Variants in PDZD2 observed in about 807,000 individuals in gnomAD.
PDZD2 encodes PDZ domain containing 2.
In PDZD2, 90 loss-of-function variants were observed where a neutral mutation model predicts 220.7. The ratio of observed to expected loss-of-function variants is 0.41; its 90% CI spans 0.34 to 0.49. The LOEUF (loss-of-function observed/expected upper bound fraction) is 0.49, where lower values mean the gene tolerates loss of function less well. Among genes scored for constraint, PDZD2 ranks in the 20% least tolerant of loss-of-function variants. The pLI is 0.28. For synonymous variants in PDZD2, 1,375 were observed against 1,450.5 expected, an observed-to-expected ratio of 0.95 and a Z score of 1.18; for missense variants, 3,174 against 3,608.5, an observed-to-expected ratio of 0.88 and a Z score of 3.08.
In PDZD2 at chr5:32,048,541, G is replaced by C. The variant is rs768969565; in HGVS notation, c.1522G>C (p.Gly508Arg). The C allele has an allele frequency of 1.2e-6, 2 of 1,613,088 alleles. No individual in the cohort carries two copies. The highest frequency in any genetic ancestry group is 1.7e-6 in the Non-Finnish European group (2 of 1,179,310). ...GTTTTCTCCTCTGTTTTCTCAAGGG[G>C]GTGTACACCGCCTTGAGTCAGTTGA... ...KIKLKSRLSG[G>R]VHRLESVEEY... Residue 508 changes from glycine to arginine, a missense_variant and splice_region_variant, in exon 8 of 25, where the codon GGT (glycine) becomes CGT (arginine). Physicochemically the swap from Gly to Arg is moderately radical, Grantham distance 125 (BLOSUM62 -2). Around this residue, in one of 4 missense-constraint regions of PDZD2, gnomAD observed 632 missense variants for 708.1 expected, o/e 0.89. Transcript: ENST00000438447.
At chr5:31,927,100 C>T (rs906756030) in intron 2 of PDZD2, among the ~76,000 whole-genome samples, 3 of 152,150 alleles carry the variant, frequency 2.0e-5, no homozygotes, top group Non-Finnish European at 4.4e-5. Context: ...AAAAACGTAA[C>T]TATTGGGTAC....
At chr5:32,085,147 G>T (rs1454493278) in intron 19 of PDZD2, among the ~76,000 whole-genome samples, 1 of 151,210 alleles carries the variant, frequency 6.6e-6, no homozygotes, top group African/African-American at 2.4e-5. Flanking sequence ...TAGAGATAGG[G>T]TTTCACCATG....
At chr5:31,677,615 TAAAAAAAAAAAAA>T (rs772919181) in intron 1 of PDZD2, among the ~76,000 whole-genome samples, 1 of 127,960 alleles carries the variant, frequency 7.8e-6, no homozygotes, top group African/African-American at 3.4e-5. Context: ...GACTCCGTCT[TAAAAAAAAAAAAA>T]AAAAAAAAAA....
intron 1 of PDZD2, among the ~76,000 whole-genome samples, chr5:31,694,862 G>A (rs1439141284): frequency 6.6e-6 from 1 of 151,552 alleles, no homozygotes; most frequent in South Asian, 2.1e-4. Flanking sequence ...AGTGGCTCAC[G>A]CCTGTAATCC....
chr5:31,842,134 T>C (rs994722421), intron 2 of PDZD2, among the ~76,000 whole-genome samples: 1 of 152,246 alleles, frequency 6.6e-6, no homozygotes, highest in African/African-American at 2.4e-5. Flanking sequence ...TATAGCTTGA[T>C]AAGCCTTTTT....
At position 32,098,237 on chromosome 5, in the gene PDZD2, C is replaced by T. The variant is rs1053504070; in HGVS notation, c.7948-127C>T. The T allele has an allele frequency of 1.2e-5, 11 of 940,378 alleles. No homozygotes were observed. Among genetic ancestry groups the T allele is most frequent in the Middle Eastern group, 3.2e-4 (1 of 3,156 alleles). The allele number at this position is 940,378 out of a possible 1,614,324, so 58.3% of individuals were successfully genotyped here. A position where few individuals can be genotyped will look rare whatever the true frequency, so the allele number is the denominator to read the frequency against. ...AGCCTGGGTGACACAGCGAGACTCC[C>T]TCTCAAAAAATAAAAATAAAAAAGG... On this transcript the variant is annotated intron_variant, in intron 22 of 24. Coordinates refer to ENST00000438447, the MANE Select transcript of PDZD2 (RefSeq NM_178140.4). This position sits in a 1 kb window ranked among gnomAD's most constrained non-coding sequence, Gnocchi z 4.1.
intron 5 of PDZD2, among the ~76,000 whole-genome samples, chr5:32,007,924 C>A (rs1274745677): frequency 1.4e-5 from 2 of 143,350 alleles, no homozygotes; most frequent in African/African-American, 5.0e-5. Context: ...CGTCTTACAG[C>A]CTACTCTAGC....
At chr5:31,936,301 G>C (rs1411614133) in intron 2 of PDZD2, 2 of 987,562 alleles carry the variant, frequency 2.0e-6, no homozygotes, top group Non-Finnish European at 2.4e-6. Context: ...TCCAGAGGCT[G>C]CTGAAGCACA....
intron 1 of PDZD2, among the ~76,000 whole-genome samples, chr5:31,686,229 A>G (rs1746853317): frequency 6.6e-6 from 1 of 152,176 alleles, no homozygotes; most frequent in South Asian, 2.1e-4. Flanking sequence ...GTCTCAAAAA[A>G]AAAAATAGCC....
chr5:31,838,701 A>G (rs1757090361), intron 2 of PDZD2, among the ~76,000 whole-genome samples: 1 of 152,236 alleles, frequency 6.6e-6, no homozygotes, highest in African/African-American at 2.4e-5. Flanking sequence ...TTAGTAGAGT[A>G]GGCTGATATC....
chr5:31,678,688 T>C (rs1471670866), intron 1 of PDZD2, among the ~76,000 whole-genome samples: 1 of 152,178 alleles, frequency 6.6e-6, no homozygotes, highest in African/African-American at 2.4e-5. Context: ...CAATCTCGGC[T>C]CACTGCCTCC....
intron 1 of PDZD2, among the ~76,000 whole-genome samples, chr5:31,660,894 T>A (rs1428147911): frequency 2.0e-5 from 3 of 152,130 alleles, no homozygotes; most frequent in Non-Finnish European, 4.4e-5. Context: ...GCCCAGTGAA[T>A]TTTTTGTTTT....
At chr5:31,742,901 A>T (rs1275485924) in intron 1 of PDZD2, among the ~76,000 whole-genome samples, 1 of 152,072 alleles carries the variant, frequency 6.6e-6, no homozygotes, top group Non-Finnish European at 1.5e-5. Flanking sequence ...AATGAAGATT[A>T]TTGTTTCTTC....
chr5:32,022,128 A>G (rs564401669), intron 6 of PDZD2, among the ~76,000 whole-genome samples: 10 of 151,544 alleles, frequency 6.6e-5, no homozygotes, highest in African/African-American at 2.4e-4. Context: ...TTTATATTCC[A>G]TAATGAATTA....
At chr5:31,995,262 T>A (rs1183146115) in intron 3 of PDZD2, among the ~76,000 whole-genome samples, 3 of 152,152 alleles carry the variant, frequency 2.0e-5, no homozygotes, top group African/African-American at 7.2e-5. Flanking sequence ...TAACTAGAAT[T>A]CAATTCAGTT....
intron 1 of PDZD2, chr5:31,747,952 G>A (rs1750701267): frequency 6.6e-6 from 1 of 152,232 alleles, no homozygotes; most frequent in Non-Finnish European, 1.5e-5. Context: ...TTTTTTCTCT[G>A]TTAAAACTCT....
intron 1 of PDZD2, among the ~76,000 whole-genome samples, chr5:31,744,942 G>A (rs58055222): frequency 0.05 from 7,630 of 152,062 alleles, 208 homozygotes; most frequent in Middle Eastern, 0.16. Flanking sequence ...GCGTGGTGGT[G>A]GGCACCTGTA....
At chr5:31,967,698 C>A (rs56305032) in intron 2 of PDZD2, among the ~76,000 whole-genome samples, 1 of 152,068 alleles carries the variant, frequency 6.6e-6, no homozygotes, top group Non-Finnish European at 1.5e-5. Context: ...GGAATTGCCA[C>A]GGGCAGTGCA....
chr5:31,823,537 A>G (rs10038413), intron 2 of PDZD2, among the ~76,000 whole-genome samples: 88,478 of 151,844 alleles, frequency 0.58, 26,138 homozygotes, highest in Non-Finnish European at 0.61. Context: ...TCAGAAAAAT[A>G]CTCCAGCTGA....
Sources: allele counts gnomAD v4.1 joint callset (sites outside exome capture counted in the v4.1 genomes callset), GRCh38; gene constraint gnomAD v4.1.1; regional missense constraint gnomAD v4.1.1; non-coding constraint Gnocchi (gnomAD v3.1); transcripts MANE v1.5; gene names NCBI Gene and HGNC (gene_info 2026-07-23, HGNC 2026-07-21).